Variants in SNTG1 observed in about 807,000 individuals in gnomAD.
SNTG1 encodes the protein syntrophin gamma 1, also known as gamma-1-syntrophin.
In SNTG1, 39 loss-of-function variants were observed where a neutral mutation model predicts 74.7. The ratio of observed to expected loss-of-function variants is 0.52; its 90% CI spans 0.40 to 0.68. The LOEUF is 0.68. Among genes scored for constraint, SNTG1 ranks in the 30% least tolerant of loss-of-function variants. SNTG1 has a pLI of 0.00. For synonymous variants in SNTG1, 254 were observed against 217.1 expected (o/e 1.17, Z -1.49); for missense variants, 685 against 609.5 (o/e 1.12, Z -1.30).
chr8:50,393,197 G>A (rs2092685402), intron 2 of SNTG1, among the ~76,000 whole-genome samples: 1 of 152,114 alleles, frequency 6.6e-6, no homozygotes, highest in African/African-American at 2.4e-5. Context: ...GGTTACTACT[G>A]ATGATGGCTA....
At chr8:49,982,481 A>G (rs1303475387) in intron 1 of SNTG1, among the ~76,000 whole-genome samples, 3 of 151,982 alleles carry the variant, frequency 2.0e-5, no homozygotes, top group East Asian at 1.9e-4. Context: ...CATTATATAT[A>G]GTGCAAAATA....
rs764655031 is a variant in SNTG1 at position 50,704,618 on chromosome 8, C to G, written c.1057C>G (p.Arg353Gly). 17 of 1,613,910 alleles carry G rather than the reference C, an allele frequency of 1.1e-5. No individual in the cohort carries two copies. The South Asian group carries it at 1.8e-4, about 17-fold the overall frequency. The change falls in exon 16 of 19, where the codon CGA (arginine) becomes GGA (glycine). Residue 353 changes from arginine to glycine, a missense_variant. Physicochemically the swap from Arg to Gly is moderately radical, Grantham distance 125. Transcript: ENST00000642720. ...TCACCAGGACAGTGACCTGCTGGAC[C>G]GACGGAAACAGTGCTTCACCGTGCA... ...KILKDSDLLD[R>G]RKQCFTVQSE...
At chr8:50,776,115 CATATTT>C (rs1173664842) in intron 18 of SNTG1, among the ~76,000 whole-genome samples, 4 of 151,084 alleles carry the variant, frequency 2.6e-5, no homozygotes, top group Admixed American at 1.3e-4. Flanking sequence ...GATGTGTTGA[CATATTT>C]ATAATTATAT....
chr8:50,127,578 C>T (rs1318131368), intron 1 of SNTG1, among the ~76,000 whole-genome samples: 5 of 152,126 alleles, frequency 3.3e-5, no homozygotes, highest in Non-Finnish European at 7.4e-5. Context: ...GGCAATTTTC[C>T]TGTAATAACT....
chr8:50,126,670 C>T (rs2081151155), intron 1 of SNTG1, among the ~76,000 whole-genome samples: 1 of 151,502 alleles, frequency 6.6e-6, no homozygotes, highest in Non-Finnish European at 1.5e-5. Flanking sequence ...ACACAGATCC[C>T]AATGTTGGTG....
chr8:50,309,610 A>G (rs1019805249), intron 2 of SNTG1, among the ~76,000 whole-genome samples: 23 of 152,326 alleles, frequency 1.5e-4, no homozygotes, highest in African/African-American at 5.3e-4. Flanking sequence ...TAAAACTTCA[A>G]AAAGCTACAG....
chr8:50,082,292 T>C (rs1291199401), intron 1 of SNTG1, among the ~76,000 whole-genome samples: 1 of 152,174 alleles, frequency 6.6e-6, no homozygotes, highest in Non-Finnish European at 1.5e-5. Context: ...ACTTTAAAAA[T>C]TTTTGCTAAA....
intron 1 of SNTG1, among the ~76,000 whole-genome samples, chr8:50,075,455 T>C (rs895855793): frequency 6.6e-6 from 1 of 152,206 alleles, no homozygotes; most frequent in African/African-American, 2.4e-5. Context: ...GGTGGAGACT[T>C]GGAGAACTTT....
chr8:50,509,978 T>A (rs2094051738), intron 9 of SNTG1, among the ~76,000 whole-genome samples: 2 of 151,988 alleles, frequency 1.3e-5, no homozygotes, highest in South Asian at 4.2e-4. Context: ...TGAGAGAGCA[T>A]CCCTGTCTTG....
intron 17 of SNTG1, among the ~76,000 whole-genome samples, chr8:50,720,621 G>A (rs2095485506): frequency 6.6e-6 from 1 of 152,154 alleles, no homozygotes; most frequent in South Asian, 2.1e-4. Flanking sequence ...ATAGAAATAG[G>A]ATTTGGTGGG....
At chr8:49,922,470 A>G (rs1301810819) in intron 1 of SNTG1, among the ~76,000 whole-genome samples, 2 of 152,126 alleles carry the variant, frequency 1.3e-5, no homozygotes, top group African/African-American at 4.8e-5. Flanking sequence ...CAGACAGTTT[A>G]GAGCATTAAT....
intron 1 of SNTG1, among the ~76,000 whole-genome samples, chr8:50,140,868 G>A (rs1053466188): frequency 4.6e-5 from 7 of 152,080 alleles, no homozygotes; most frequent in African/African-American, 1.4e-4. Flanking sequence ...ACAAATACTT[G>A]TATACATTGG....
At chr8:49,957,218 T>C (rs1810259635) in intron 1 of SNTG1, among the ~76,000 whole-genome samples, 1 of 152,132 alleles carries the variant, frequency 6.6e-6, no homozygotes, top group Admixed American at 6.6e-5. Flanking sequence ...ATGGGTCTTG[T>C]CTCATTCTCA....
chr8:50,494,799 C>T (rs1028294801), intron 8 of SNTG1, among the ~76,000 whole-genome samples: 1 of 151,986 alleles, frequency 6.6e-6, no homozygotes, highest in Non-Finnish European at 1.5e-5. Flanking sequence ...TCTTTGAAAA[C>T]AATGAATTAT....
At chr8:49,995,923 A>G (rs1814167496) in intron 1 of SNTG1, among the ~76,000 whole-genome samples, 1 of 152,186 alleles carries the variant, frequency 6.6e-6, no homozygotes, top group Non-Finnish European at 1.5e-5. Flanking sequence ...CCATATCTTT[A>G]AGCATAAAAA....
At chr8:50,096,686 A>C (rs915299934) in intron 1 of SNTG1, among the ~76,000 whole-genome samples, 1 of 152,212 alleles carries the variant, frequency 6.6e-6, no homozygotes, top group Non-Finnish European at 1.5e-5. Flanking sequence ...TAGGAGATAC[A>C]TATTGCAAAG....
rs1554626336 is a variant in SNTG1 at position 50,277,276 on chromosome 8, A to AAG, written c.-28+104642_-28+104643insGA. The stretch of plus-strand genomic sequence containing the variant: ...AGCAAGACCCTGCCAAAAAAAAAAA[A>AAG]AAAAAAAATGAGTTTGTCTTTCACA... On this transcript the variant is annotated intron_variant, in intron 2 of 18. Coordinates refer to ENST00000642720, the MANE Select transcript of SNTG1 (RefSeq NM_018967.5). Among the ~76,000 whole-genome samples, 4 of 151,808 alleles carry AAG rather than the reference A, an allele frequency of 2.6e-5. No homozygotes were observed. In the Admixed American group the frequency reaches 2.6e-4, roughly 10 times the overall value.
intron 1 of SNTG1, among the ~76,000 whole-genome samples, chr8:50,042,937 T>C (rs1818769528): frequency 6.6e-6 from 1 of 152,222 alleles, no homozygotes; most frequent in Non-Finnish European, 1.5e-5. Flanking sequence ...TAAAGCAATG[T>C]AAAGATTTTG....
At chr8:50,734,005 T>G (rs1563791377) in intron 17 of SNTG1, among the ~76,000 whole-genome samples, 1 of 151,994 alleles carries the variant, frequency 6.6e-6, no homozygotes, top group East Asian at 1.9e-4. Context: ...CTTAGATTGC[T>G]TAAATTACTT....
Sources: allele counts gnomAD v4.1 joint callset (sites outside exome capture counted in the v4.1 genomes callset), GRCh38; gene constraint gnomAD v4.1.1; transcripts MANE v1.5; gene names NCBI Gene and HGNC (gene_info 2026-07-23, HGNC 2026-07-21).